The following C3orf20 variants were observed in gnomAD, a reference collection of about 807,000 sequenced individuals.
The protein encoded by C3orf20 is uncharacterized protein C3orf20.
A neutral mutation model predicts 88.3 loss-of-function variants in C3orf20; 76 were observed. The observed-to-expected ratio is 0.86, with a 90% CI of 0.72 to 1.04. The LOEUF (loss-of-function observed/expected upper bound fraction) is 1.04, where lower values mean the gene tolerates loss of function less well. Ranked by LOEUF, C3orf20 falls within the 50% of genes least tolerant of loss-of-function variation. The probability of loss-of-function intolerance (pLI) is 0.00; values close to 1 mark genes in which losing one functional copy is unlikely to be tolerated. For synonymous variants in C3orf20, 436 were observed against 437.4 expected, an observed-to-expected ratio of 1.00 and a Z score of 0.04; for missense variants, 1,056 against 1,123.3, an observed-to-expected ratio of 0.94 and a Z score of 0.86.
At chr3:14,719,337 C>T (rs983105056) in intron 9 of C3orf20, among the ~76,000 whole-genome samples, 5 of 151,900 alleles carry the variant, frequency 3.3e-5, no homozygotes, top group African/African-American at 1.2e-4. Context: ...TAGCCAGACC[C>T]AAAAGCATTA....
chr3:14,699,167 C>A (rs2033140118), intron 5 of C3orf20, among the ~76,000 whole-genome samples: 1 of 152,148 alleles, frequency 6.6e-6, no homozygotes, highest in South Asian at 2.1e-4. Flanking sequence ...CCCTGTGCCC[C>A]AGGACAGGTA....
In C3orf20 at chr3:14,728,522, C is replaced by T. The variant is rs752469951; in HGVS notation, c.1774C>T (p.Arg592Trp). The T allele has an allele frequency of 1.4e-5, 22 of 1,614,166 alleles. 1 individual carries two copies. The highest frequency in any genetic ancestry group is 1.6e-4 in the Middle Eastern group (1 of 6,062). Residue 592 changes from arginine to tryptophan, a missense_variant, in exon 12 of 17, where the codon CGG becomes TGG. Coordinates refer to ENST00000253697, the MANE Select transcript of C3orf20 (RefSeq NM_032137.5). ...GATGAGATCCAGAACTCATCCCGAG[C>T]GGCTCCCCAAGCTAAGTTTATACTC... ...FKMRSRTHPE[R>W]LPKLSLYSGE... is the part of the protein sequence containing the mutation.
chr3:14,747,739 T>G (rs2035097401), intron 12 of C3orf20, among the ~76,000 whole-genome samples: 1 of 152,170 alleles, frequency 6.6e-6, no homozygotes, highest in Admixed American at 6.5e-5. Flanking sequence ...TTTACATAAG[T>G]GCAGAAAGAA....
intron 4 of C3orf20, among the ~76,000 whole-genome samples, chr3:14,686,816 C>T (rs1165610324): frequency 6.6e-6 from 1 of 152,224 alleles, no homozygotes; most frequent in Non-Finnish European, 1.5e-5. Flanking sequence ...TTTGCTGTCA[C>T]CTGTAGAGTC....
chr3:14,696,343 A>G (rs1244802041), intron 5 of C3orf20, among the ~76,000 whole-genome samples: 2 of 149,020 alleles, frequency 1.3e-5, no homozygotes, highest in Non-Finnish European at 3.0e-5. Context: ...ATCTTATTGT[A>G]CGATATCTTG....
intron 12 of C3orf20, among the ~76,000 whole-genome samples, chr3:14,738,252 C>G (rs1052743903): frequency 1.3e-5 from 2 of 148,794 alleles, no homozygotes; most frequent in Non-Finnish European, 3.0e-5. Context: ...ACTGCAACCT[C>G]TGCCCCCCGG....
chr3:14,707,174 A>T (rs975180799), intron 7 of C3orf20, among the ~76,000 whole-genome samples: 1 of 145,792 alleles, frequency 6.9e-6, no homozygotes, highest in Admixed American at 7.1e-5. Flanking sequence ...GCATGAACCC[A>T]GGAGGTGGAG....
intron 1 of C3orf20, among the ~76,000 whole-genome samples, chr3:14,678,063 C>A (rs796547315): frequency 1.3e-5 from 2 of 152,306 alleles, no homozygotes; most frequent in African/African-American, 4.8e-5. Context: ...CCTGTAGCGG[C>A]ATCCAGTTCC....
intron 15 of C3orf20, among the ~76,000 whole-genome samples, chr3:14,763,470 C>T (rs575306659): frequency 6.6e-6 from 1 of 152,262 alleles, no homozygotes; most frequent in African/African-American, 2.4e-5. Context: ...TCATGACTGA[C>T]TGCCTTACCT....
chr3:14,697,605 G>A (rs2124922962), intron 5 of C3orf20, among the ~76,000 whole-genome samples: 1 of 151,948 alleles, frequency 6.6e-6, no homozygotes, highest in African/African-American at 2.4e-5. Flanking sequence ...ACAATGTGCA[G>A]GTTTGATACA....
chr3:14,727,490 G>A (rs1377632298), intron 11 of C3orf20, among the ~76,000 whole-genome samples: 1 of 152,118 alleles, frequency 6.6e-6, no homozygotes, highest in Non-Finnish European at 1.5e-5. Flanking sequence ...GGCCCACAGA[G>A]ATCCCCCAAG....
intron 5 of C3orf20, among the ~76,000 whole-genome samples, chr3:14,702,598 G>A (rs1202517603): frequency 6.6e-6 from 1 of 151,916 alleles, no homozygotes; most frequent in Non-Finnish European, 1.5e-5. Context: ...ACACCAGCAC[G>A]CCCAGTTAAT....
chr3:14,733,396 A>G (rs566213538), intron 12 of C3orf20, among the ~76,000 whole-genome samples: 1 of 152,258 alleles, frequency 6.6e-6, no homozygotes, highest in East Asian at 1.9e-4. Context: ...TGTGCTTATA[A>G]GGTAGACTGG....
rs1185860754 is a variant in C3orf20, at chr3:14,721,795, G to A, written c.1566+11G>A. 6.2e-7 allele frequency: 1 copy of A among 1,613,880 alleles called. No homozygotes were observed. The highest frequency in any genetic ancestry group is 2.2e-5 in the East Asian group (1 of 44,882). On this transcript the variant is annotated intron_variant, in intron 10 of 16. Transcript: ENST00000253697. ...GCATATGACAAACGGGTAAGGCAAGGCAGACTATGCACCCAGCCCTGACCC... is the reference window on the plus strand; with the variant it reads ...GCATATGACAAACGGGTAAGGCAAGACAGACTATGCACCCAGCCCTGACCC...
At chr3:14,716,189 G>A (rs546740122) in intron 9 of C3orf20, among the ~76,000 whole-genome samples, 139 of 152,252 alleles carry the variant, frequency 9.1e-4, no homozygotes, top group Non-Finnish European at 1.7e-3. Context: ...AGCCTCTGGG[G>A]GGCAAAATTG....
At position 14,684,678 on chromosome 3, in the gene C3orf20, T is replaced by C. The variant is rs145475779; in HGVS notation, c.625+296T>C. Among the ~76,000 whole-genome samples, 137 of 152,360 alleles carry C rather than the reference T, an allele frequency of 9.0e-4. 1 individual carries two copies. Among genetic ancestry groups the C allele is most frequent in the African/African-American group, 3.2e-3 (134 of 41,594 alleles). ...CAAGCTACGTGCAGTGAAGGACTCA[T>C]GTTTAAAATTTCCAGTCTGTTGTGG... On this transcript the variant is annotated intron_variant, in intron 4 of 16. Coordinates refer to ENST00000253697, the MANE Select transcript of C3orf20 (RefSeq NM_032137.5).
chr3:14,737,837 T>C (rs975429273), intron 12 of C3orf20, among the ~76,000 whole-genome samples: 5 of 152,252 alleles, frequency 3.3e-5, no homozygotes, highest in African/African-American at 1.2e-4. Context: ...ACTAAGTTTA[T>C]GTAATGTTCT....
At chr3:14,745,293 C>T (rs1575147424) in intron 12 of C3orf20, among the ~76,000 whole-genome samples, 1 of 152,190 alleles carries the variant, frequency 6.6e-6, no homozygotes, top group Non-Finnish European at 1.5e-5. Context: ...GGAGGTGGCT[C>T]TCCAACCTTA....
intron 12 of C3orf20, among the ~76,000 whole-genome samples, chr3:14,741,105 T>C (rs151049748): frequency 2.0e-5 from 3 of 152,336 alleles, no homozygotes; most frequent in Non-Finnish European, 2.9e-5. Context: ...AGAGGACTTA[T>C]CTTTCCTTTC....
Sources: allele counts gnomAD v4.1 joint callset (sites outside exome capture counted in the v4.1 genomes callset), GRCh38; gene constraint gnomAD v4.1.1; transcripts MANE v1.5; gene names NCBI Gene and HGNC (gene_info 2026-07-23, HGNC 2026-07-21).